The following SPATA13 variants were observed in gnomAD, a reference collection of about 807,000 sequenced individuals.
SPATA13 encodes the protein spermatogenesis associated 13.
Under a neutral mutation model 104.0 loss-of-function variants are expected in SPATA13, and 50 were observed. That is an observed-to-expected ratio of 0.48 (90% CI 0.38 to 0.61). The LOEUF is 0.61. Ranked by LOEUF, SPATA13 falls within the 20% of genes least tolerant of loss-of-function variation. The pLI, the probability that SPATA13 is intolerant of heterozygous loss-of-function variation, is 0.00. For synonymous variants in SPATA13, 606 were observed against 667.5 expected (o/e 0.91, Z 1.42); for missense variants, 1,524 against 1,690.6 (o/e 0.90, Z 1.73).
chr13:24,271,281 CT>C (rs1183075504), intron 4 of SPATA13, among the ~76,000 whole-genome samples: 3 of 152,036 alleles, frequency 2.0e-5, no homozygotes, highest in African/African-American at 7.2e-5. Context: ...GATATTGTTA[CT>C]AGTTTTGCTG....
chr13:24,041,006 A>G (rs1283739524), intron 3 of SPATA13, among the ~76,000 whole-genome samples: 1 of 152,246 alleles, frequency 6.6e-6, no homozygotes, highest in East Asian at 1.9e-4. Context: ...ACATGGTTAC[A>G]GCTGCATGTG....
chr13:24,180,426 C>T (rs956707489), intron 1 of SPATA13, among the ~76,000 whole-genome samples: 2 of 152,160 alleles, frequency 1.3e-5, no homozygotes, highest in Admixed American at 1.3e-4. Flanking sequence ...ATTAGGAAGT[C>T]TAAAATCTCA....
chr13:24,251,618 T>C, intron 3 of SPATA13, 100 bp from the exon 4 acceptor site: 1 of 1,533,784 alleles, frequency 6.5e-7, no homozygotes, highest in Non-Finnish European at 8.8e-7. Context: ...CCATTTCACG[T>C]CTGTGAGTGG....
rs542624967 is a variant in SPATA13, at chr13:24,051,245, C to G, written c.-112+33544C>G. Reference sequence around the variant, plus strand: ...GTGGCCACCTGACCTTCCAAGAGGACATGAACAGCAGGAAGTGATTTCCAA... The same window carrying G: ...GTGGCCACCTGACCTTCCAAGAGGAGATGAACAGCAGGAAGTGATTTCCAA... On this transcript the variant is annotated intron_variant, in intron 3 of 14. Coordinates refer to the SPATA13 transcript ENST00000424834. The surrounding 1 kb of genome is among the most constrained non-coding windows in gnomAD (Gnocchi z 4.2). Among the ~76,000 whole-genome samples the G allele has an allele frequency of 1.3e-5, 2 of 152,332 alleles. No homozygotes were observed. Among genetic ancestry groups the G allele is most frequent in the Admixed American group, 1.3e-4 (2 of 15,298 alleles).
intron 1 of SPATA13, among the ~76,000 whole-genome samples, chr13:24,220,379 T>C (rs889583769): frequency 3.3e-5 from 5 of 151,748 alleles, no homozygotes; most frequent in Non-Finnish European, 7.3e-5. Flanking sequence ...CTGTATTCAG[T>C]GCGAGTCATA....
At chr13:24,019,143 CAGT>C (rs1876852525) in intron 3 of SPATA13, among the ~76,000 whole-genome samples, 1 of 147,286 alleles carries the variant, frequency 6.8e-6, no homozygotes, top group Non-Finnish European at 1.5e-5. Context: ...GGCTGGAGTG[CAGT>C]GGCGGGATCT....
intron 3 of SPATA13, among the ~76,000 whole-genome samples, chr13:24,147,819 C>G (rs1008530394): frequency 3.3e-5 from 5 of 152,176 alleles, no homozygotes; most frequent in Non-Finnish European, 7.3e-5. Context: ...CTTGACCGCT[C>G]TAGATACCTC....
At chr13:24,043,094 G>A (rs141068152) in intron 3 of SPATA13, among the ~76,000 whole-genome samples, 59 of 152,248 alleles carry the variant, frequency 3.9e-4, no homozygotes, top group African/African-American at 9.9e-4. Flanking sequence ...AGGTGTTGGC[G>A]AGGTCACATC....
At chr13:24,085,602 G>T (rs770137790) in intron 3 of SPATA13, among the ~76,000 whole-genome samples, 4 of 152,176 alleles carry the variant, frequency 2.6e-5, no homozygotes, top group Non-Finnish European at 5.9e-5. Context: ...CTGCCACCAC[G>T]TGCCTTCTCT....
At chr13:24,203,378 G>A (rs9551079) in intron 1 of SPATA13, among the ~76,000 whole-genome samples, 56,503 of 151,952 alleles carry the variant, frequency 0.37, 11,208 homozygotes, top group East Asian at 0.63. Context: ...AACTTTTTAA[G>A]TAGCTTTTTC....
chr13:24,293,740 G>A (rs1204863019), intron 9 of SPATA13, among the ~76,000 whole-genome samples: 1 of 152,188 alleles, frequency 6.6e-6, no homozygotes, highest in Non-Finnish European at 1.5e-5. Context: ...TCTTGCTCCT[G>A]CTCTCTGCGC....
rs1566141512 is a variant in SPATA13 at position 24,190,260 on chromosome 13, C to CATTATATAACATATGGTAT, written c.-112+29330_-112+29331insTATATAACATATGGTATAT. On this transcript the variant is annotated intron_variant, in intron 1 of 12. Coordinates refer to ENST00000382108, the MANE Select transcript of SPATA13 (RefSeq NM_001166271.3). Reference sequence around the variant, plus strand: ...TATATAACATATCATATATAATATACATAATATATATTATTATATATAATA... The same window carrying CATTATATAACATATGGTAT: ...TATATAACATATCATATATAATATACATTATATAACATATGGTATATAATATATATTATTATATATAATA... Among the ~76,000 whole-genome samples, 29 of 3,326 alleles carry CATTATATAACATATGGTAT rather than the reference C, an allele frequency of 8.7e-3. 5 individuals carry two copies. The South Asian group carries it at 0.2, about 23-fold the overall frequency. The allele number at this position is 3,326 out of a possible 152,430, so 2.2% of individuals were successfully genotyped here.
rs1453160888 is a variant in SPATA13, at chr13:24,189,789, TAATA to T, written c.-112+28862_-112+28865del. 2.9e-4 allele frequency among the ~76,000 whole-genome samples: 2 copies of T among 6,982 alleles called. 1 individual carries two copies. Among genetic ancestry groups the T allele is most frequent in the South Asian group, 9.5e-3 (2 of 210 alleles). The allele number at this position is 6,982 out of a possible 152,430, so 4.6% of individuals were successfully genotyped here. A position where few individuals can be genotyped will look rare whatever the true frequency, so the allele number is the denominator to read the frequency against. On this transcript the variant is annotated intron_variant, in intron 1 of 12. Transcript: ENST00000382108. ...ATATATTATAAATATATTTATAATA[TAATA>T]AATATATATTTATATAATATATTAT... is the stretch of plus-strand genomic sequence containing the variant.
At chr13:24,041,870 A>G (rs1167075378) in intron 3 of SPATA13, among the ~76,000 whole-genome samples, 1 of 152,216 alleles carries the variant, frequency 6.6e-6, no homozygotes, top group African/African-American at 2.4e-5. Context: ...CACCAATGGA[A>G]GCTTTGCAAA....
intron 1 of SPATA13, among the ~76,000 whole-genome samples, chr13:24,165,278 C>T (rs1308239346): frequency 2.0e-5 from 3 of 152,156 alleles, no homozygotes; most frequent in Non-Finnish European, 2.9e-5. Context: ...CAGACTGTCT[C>T]CCACCCCAGC....
chr13:23,997,151 G>GT (rs2137667405), intron 2 of SPATA13, among the ~76,000 whole-genome samples: 1 of 152,294 alleles, frequency 6.6e-6, no homozygotes, highest in Non-Finnish European at 1.5e-5. Context: ...ACAACCATCA[G>GT]TTTCAACTGA....
intron 4 of SPATA13, among the ~76,000 whole-genome samples, chr13:24,270,218 G>A (rs947583630): frequency 2.0e-5 from 3 of 152,006 alleles, no homozygotes; most frequent in Non-Finnish European, 4.4e-5. Context: ...AGAGTATAGA[G>A]GAAATAAAAA....
chr13:23,998,225 T>G (rs1216007448), intron 2 of SPATA13, among the ~76,000 whole-genome samples: 2 of 152,226 alleles, frequency 1.3e-5, no homozygotes, highest in Non-Finnish European at 2.9e-5. Context: ...TTACTTTACA[T>G]TCTCAACAGC....
At chr13:24,291,137 A>G (rs1172975327) in intron 9 of SPATA13, among the ~76,000 whole-genome samples, 1 of 152,204 alleles carries the variant, frequency 6.6e-6, no homozygotes, top group Non-Finnish European at 1.5e-5. Flanking sequence ...CCACGAGTGC[A>G]TGGCGGCTTT....
Sources: allele counts gnomAD v4.1 joint callset (sites outside exome capture counted in the v4.1 genomes callset), GRCh38; gene constraint gnomAD v4.1.1; non-coding constraint Gnocchi (gnomAD v3.1); transcripts MANE v1.5; gene names NCBI Gene and HGNC (gene_info 2026-07-23, HGNC 2026-07-21).